Variants in ANK2 observed in about 807,000 individuals in gnomAD.
ANK2 encodes ankyrin-2.
A neutral mutation model predicts 360.5 loss-of-function variants in ANK2; 83 were observed. That is an observed-to-expected ratio of 0.23 (90% CI 0.19 to 0.28). The LOEUF is 0.28. Among genes scored for constraint, ANK2 ranks in the 10% least tolerant of loss-of-function variants. ANK2 has a pLI of 1.00. For missense variants in ANK2, 4,201 were observed against 4,795.7 expected (o/e 0.88, Z 3.66); for synonymous variants, 1,740 against 1,759.5 (o/e 0.99, Z 0.28).
chr4:113,117,174 G>T, intron 1 of ANK2: 2 of 395,042 alleles, frequency 5.1e-6, no homozygotes, highest in Non-Finnish European at 1.0e-5. Flanking sequence ...TGTTCTGGCT[G>T]CCAGCCATTG....
intron 1 of ANK2, among the ~76,000 whole-genome samples, chr4:113,134,124 G>A (rs1274697880): frequency 6.6e-6 from 1 of 151,914 alleles, no homozygotes; most frequent in Non-Finnish European, 1.5e-5. Flanking sequence ...TAGCATCAAG[G>A]CCGATTTCTA....
At chr4:113,366,264 T>C (rs528351967) in intron 41 of ANK2, among the ~76,000 whole-genome samples, 1 of 152,258 alleles carries the variant, frequency 6.6e-6, no homozygotes, top group East Asian at 1.9e-4. Context: ...TGTTTCCTCT[T>C]TTTCAAATCT....
At chr4:112,707,633 A>C in the ANK2 span, among the ~76,000 whole-genome samples, 5 of 152,344 alleles carry the variant, frequency 3.3e-5, no homozygotes, top group East Asian at 9.6e-4. Flanking sequence ...TTAAGCAAAA[A>C]ATTATTTTTA....
At chr4:113,324,811 G>A (rs749023419) in intron 26 of ANK2, among the ~76,000 whole-genome samples, 3 of 151,998 alleles carry the variant, frequency 2.0e-5, no homozygotes, top group African/African-American at 7.3e-5. Flanking sequence ...TTTTTTTCCT[G>A]TTCTTTCAAC....
intron 37 of ANK2, among the ~76,000 whole-genome samples, chr4:113,351,598 C>T (rs1370030609): frequency 1.3e-5 from 2 of 151,596 alleles, no homozygotes; most frequent in Non-Finnish European, 2.9e-5. Context: ...AGTGATTTTA[C>T]TTTATTCTCC....
intron 2 of ANK2, among the ~76,000 whole-genome samples, chr4:112,911,209 T>TTTA (rs1215588167): frequency 6.7e-6 from 1 of 148,250 alleles, no homozygotes; most frequent in African/African-American, 2.5e-5. Flanking sequence ...TTTTTTTTTT[T>TTTA]AGAGATGGTA....
the ANK2 span, among the ~76,000 whole-genome samples, chr4:112,706,523 C>T: frequency 1.3e-5 from 2 of 152,114 alleles, no homozygotes; most frequent in Admixed American, 1.3e-4. Flanking sequence ...ATCCCTCCCA[C>T]CCCGCACAGA....
intron 2 of ANK2, among the ~76,000 whole-genome samples, chr4:112,971,506 C>T (rs1431854236): frequency 3.3e-5 from 5 of 152,072 alleles, no homozygotes; most frequent in South Asian, 4.1e-4. Context: ...AACATAAGTA[C>T]GTAGGCTATA....
At chr4:113,303,780 T>C (rs941184180) in intron 23 of ANK2, among the ~76,000 whole-genome samples, 2 of 152,196 alleles carry the variant, frequency 1.3e-5, no homozygotes, top group Non-Finnish European at 2.9e-5. Flanking sequence ...ATGAACATGA[T>C]TGAAAAATTA....
intron 1 of ANK2, among the ~76,000 whole-genome samples, chr4:113,090,943 C>T (rs1184066859): frequency 6.6e-6 from 1 of 152,138 alleles, no homozygotes; most frequent in Non-Finnish European, 1.5e-5. Context: ...TTCAAACATG[C>T]CTCTGACGTT....
the ANK2 span, among the ~76,000 whole-genome samples, chr4:112,731,325 G>A: frequency 6.6e-6 from 1 of 150,734 alleles, no homozygotes; most frequent in Non-Finnish European, 1.5e-5. Context: ...ATAAATATGT[G>A]AGGTAATGAA....
chr4:112,849,610 C>T (rs2064153335), intron 1 of ANK2, among the ~76,000 whole-genome samples: 1 of 152,200 alleles, frequency 6.6e-6, no homozygotes, highest in South Asian at 2.1e-4. Context: ...TATGTCTAGT[C>T]ATAGATCTGT....
chr4:113,198,451 G>T (rs28639887), intron 3 of ANK2, among the ~76,000 whole-genome samples: 51,152 of 151,814 alleles, frequency 0.34, 9,323 homozygotes, highest in South Asian at 0.42. Flanking sequence ...TAGTGTTGTG[G>T]CTGGTAAATT....
At chr4:112,789,893 TA>T in the ANK2 span, among the ~76,000 whole-genome samples, 1 of 152,236 alleles carries the variant, frequency 6.6e-6, no homozygotes, top group Non-Finnish European at 1.5e-5. Flanking sequence ...TTATATCTGT[TA>T]GGATGGCTAC....
chr4:113,365,866 C>T (rs990165973), intron 41 of ANK2, among the ~76,000 whole-genome samples: 1 of 152,138 alleles, frequency 6.6e-6, no homozygotes, highest in African/African-American at 2.4e-5. Context: ...CATCTCAATG[C>T]ATATACTTAA....
chr4:112,726,792 A>C, the ANK2 span, among the ~76,000 whole-genome samples: 1 of 148,358 alleles, frequency 6.7e-6, no homozygotes, highest in East Asian at 2.0e-4. Context: ...CGGAGCTTGC[A>C]GTGAGCCAAG....
chr4:113,151,515 C>G lies in ANK2; in HGVS notation c.85-22901C>G, dbSNP rs1380958809. Among the ~76,000 whole-genome samples the G allele has an allele frequency of 2.0e-5, 3 of 152,060 alleles. No homozygotes were observed. The East Asian group carries it at 5.8e-4, about 29-fold the overall frequency. ...GGAACTAATACAGCAAAAACTCACTCCTTATCACCAGAATGGCACTAAGCC... is the reference window on the plus strand; with the variant it reads ...GGAACTAATACAGCAAAAACTCACTGCTTATCACCAGAATGGCACTAAGCC... On this transcript the variant is annotated intron_variant, in intron 1 of 45. Transcript: ENST00000357077.
the ANK2 span, among the ~76,000 whole-genome samples, chr4:112,784,411 G>A: frequency 7.8e-5 from 11 of 141,754 alleles, 2 homozygotes; most frequent in Non-Finnish European, 7.6e-5. Context: ...AGGCCGGAGT[G>A]CAGTGGCGCG....
chr4:112,999,032 G>A (rs1412604439), intron 2 of ANK2, among the ~76,000 whole-genome samples: 2 of 151,976 alleles, frequency 1.3e-5, no homozygotes, highest in African/African-American at 4.8e-5. Flanking sequence ...ACTTGTATAT[G>A]GATAATGTAT....
Sources: allele counts gnomAD v4.1 joint callset (sites outside exome capture counted in the v4.1 genomes callset), GRCh38; gene constraint gnomAD v4.1.1; transcripts MANE v1.5; gene names NCBI Gene and HGNC (gene_info 2026-07-23, HGNC 2026-07-21).